The following SH2D1B variants were observed in gnomAD, a reference collection of about 807,000 sequenced individuals.
The protein encoded by SH2D1B is SH2 domain-containing protein 1B.
In SH2D1B, 11 loss-of-function variants were observed where a neutral mutation model predicts 16.3. The observed-to-expected ratio is 0.67, with a 90% confidence interval of 0.42 to 1.11. SH2D1B has a LOEUF of 1.11. Among genes scored for constraint, SH2D1B ranks in the 50% most tolerant of loss-of-function variants. SH2D1B has a pLI of 0.00. For synonymous variants in SH2D1B, 55 were observed against 56.1 expected (o/e 0.98, Z 0.09); for missense variants, 123 against 153.1 (o/e 0.80, Z 1.04).
intron 1 of SH2D1B, among the ~76,000 whole-genome samples, chr1:162,408,933 C>A (rs1263556170): frequency 6.6e-6 from 1 of 151,914 alleles, no homozygotes; most frequent in Non-Finnish European, 1.5e-5. Context: ...CATAGCGAGA[C>A]CCCATGTCTA....
chr1:162,398,747 C>T lies in SH2D1B; in HGVS notation c.363+176G>A, dbSNP rs565675274. On this transcript the variant is annotated intron_variant, in intron 3 of 3. Transcript: ENST00000367929. ...AACGCAGCAAGCTCTCTGTCTTGGC[C>T]CTCAGGGACTAAAAGACAGCACTTC... is the stretch of plus-strand genomic sequence containing the variant. Among the ~76,000 whole-genome samples, 10 of 152,154 alleles carry T rather than the reference C, an allele frequency of 6.6e-5. No homozygotes were observed. In the South Asian group the frequency reaches 2.1e-3, roughly 32 times the overall value.
In SH2D1B at chr1:162,399,016, A is replaced by G. The variant is rs982408010; in HGVS notation, c.270T>C (p.Asn90=). The G allele has an allele frequency of 3.1e-6, 5 of 1,614,030 alleles. No individual in the cohort carries two copies. Among genetic ancestry groups the G allele is most frequent in the Non-Finnish European group, 4.2e-6 (5 of 1,179,974 alleles). The change falls in exon 3 of 4, where the codon AAT becomes AAC. Residue 90 remains asparagine (N), a synonymous_variant. Transcript: ENST00000367929. ...TTAAAAGGTGAACCACCATCCCCTG[A>G]TTTGGTTTTTCAAATTTGGAGATCA... is the stretch of plus-strand genomic sequence containing the variant. ...KELISKFEKP[N]QGMVVHLLKP...
chr1:162,399,915 G>A (rs1206420210), intron 2 of SH2D1B, among the ~76,000 whole-genome samples: 2 of 151,856 alleles, frequency 1.3e-5, no homozygotes, highest in Admixed American at 6.6e-5. Flanking sequence ...CTCTAATTTC[G>A]ATCCTCTCCA....
At chr1:162,406,498 C>T (rs557874777) in intron 1 of SH2D1B, among the ~76,000 whole-genome samples, 18 of 152,162 alleles carry the variant, frequency 1.2e-4, no homozygotes, top group Admixed American at 3.9e-4. Context: ...TTTATAGATG[C>T]GCAGAGAAGT....
rs149329772 is a variant in SH2D1B, at chr1:162,403,119, C to A, written c.135-317G>T. On this transcript the variant is annotated intron_variant, in intron 1 of 3. Coordinates refer to ENST00000367929, the MANE Select transcript of SH2D1B (RefSeq NM_053282.5). ...GACAAAGGATATAGAGAAAGGAAAACCCTTGTACAATGCTGATGGGAATGT... is the reference window on the plus strand; with the variant it reads ...GACAAAGGATATAGAGAAAGGAAAAACCTTGTACAATGCTGATGGGAATGT... Among the ~76,000 whole-genome samples, 1,135 of 152,030 alleles carry A rather than the reference C, an allele frequency of 7.5e-3. 17 individuals are homozygous for A. The highest frequency in any genetic ancestry group is 0.026 in the African/African-American group (1,066 of 41,456).
chr1:162,402,913 C>A, intron 1 of SH2D1B, 111 bp from the exon 2 acceptor site: 1 of 674,964 alleles, frequency 1.5e-6, no homozygotes, highest in East Asian at 3.4e-5. Flanking sequence ...TAAAAAAACT[C>A]TTTTTTTTTT....
At chr1:162,399,497 A>T (rs911132741) in intron 2 of SH2D1B, among the ~76,000 whole-genome samples, 1 of 152,196 alleles carries the variant, frequency 6.6e-6, no homozygotes. Flanking sequence ...ATTAAAAAAA[A>T]TTCCAACTGT....
chr1:162,412,069 A>C lies in SH2D1B; in HGVS notation c.-53T>G. On this transcript the variant is annotated 5_prime_UTR_variant, in exon 1 of 4. Coordinates refer to ENST00000367929, the MANE Select transcript of SH2D1B (RefSeq NM_053282.5). ...CCTGTTGGCCTGAAATTCACCCCCA[A>C]GTCAAGGGACAGCTCTGAGGAGAGA... 1 of 1,610,986 alleles carries C rather than the reference A, an allele frequency of 6.2e-7. No homozygotes were observed. The highest frequency in any genetic ancestry group is 1.3e-5 in the African/African-American group (1 of 74,970).
intron 1 of SH2D1B, among the ~76,000 whole-genome samples, chr1:162,406,061 G>A (rs939648377): frequency 6.6e-6 from 1 of 152,220 alleles, no homozygotes; most frequent in African/African-American, 2.4e-5. Flanking sequence ...ATGCCATGAT[G>A]CAAGTGGGAA....
chr1:162,410,513 T>C (rs953997081), intron 1 of SH2D1B, among the ~76,000 whole-genome samples: 2 of 152,210 alleles, frequency 1.3e-5, no homozygotes, highest in Non-Finnish European at 2.9e-5. Context: ...GGTTCAGTGG[T>C]CCCTACTTTA....
At chr1:162,403,511 AATATATATAT>A (rs201259868) in intron 1 of SH2D1B, among the ~76,000 whole-genome samples, 774 of 41,898 alleles carry the variant, frequency 0.018, 26 homozygotes, top group Admixed American at 0.076. Context: ...AAAAAAAAAA[AATATATATAT>A]ATATATATAT....
At chr1:162,404,233 G>A (rs562118469) in intron 1 of SH2D1B, among the ~76,000 whole-genome samples, 133 of 152,220 alleles carry the variant, frequency 8.7e-4, no homozygotes, top group Non-Finnish European at 1.4e-3. Context: ...GTACTCAGGC[G>A]GCTGAGACAG....
At position 162,396,982 on chromosome 1, in the gene SH2D1B, A is replaced by G. The variant is rs1166109298; in HGVS notation, c.*298T>C. The G allele has an allele frequency of 5.4e-6, 2 of 367,798 alleles. No individual in the cohort carries two copies. Among genetic ancestry groups the G allele is most frequent in the Admixed American group, 3.9e-5 (1 of 25,336 alleles). 22.8% of individuals were successfully genotyped at this position (367,798 alleles called of 1,614,324 possible). A position where few individuals can be genotyped will look rare whatever the true frequency, so the allele number is the denominator to read the frequency against. ...CTGCATGGTCCAAAGGAGGGTGTCA[A>G]CCATGATGTAGGGTGGTACCTTTAA... is the stretch of plus-strand genomic sequence containing the variant. On this transcript the variant is annotated 3_prime_UTR_variant, in exon 4 of 4. Coordinates refer to ENST00000367929, the MANE Select transcript of SH2D1B (RefSeq NM_053282.5).
chr1:162,400,553 C>A (rs1317861906), intron 2 of SH2D1B, among the ~76,000 whole-genome samples: 3 of 150,254 alleles, frequency 2.0e-5, no homozygotes, highest in South Asian at 2.1e-4. Flanking sequence ...ATCTGCCTGC[C>A]TCAGCCTCCC....
At chr1:162,402,669 A>G in intron 2 of SH2D1B, 70 bp downstream of exon 2, 1 of 1,311,040 alleles carries the variant, frequency 7.6e-7, no homozygotes, top group Admixed American at 1.7e-5. Context: ...GGCTCAGGTA[A>G]AAGACATGTT....
chr1:162,409,146 C>T (rs2101864465), intron 1 of SH2D1B, among the ~76,000 whole-genome samples: 1 of 151,296 alleles, frequency 6.6e-6, no homozygotes, highest in East Asian at 1.9e-4. Flanking sequence ...AAGAGAATCC[C>T]ATATTGACCA....
intron 1 of SH2D1B, among the ~76,000 whole-genome samples, chr1:162,409,648 G>A (rs1381391997): frequency 1.3e-5 from 2 of 152,048 alleles, no homozygotes; most frequent in East Asian, 1.9e-4. Context: ...GCGCGATCTC[G>A]GCTCACTGCA....
At chr1:162,397,385 A>C (rs1648404351) in intron 3 of SH2D1B, 70 bp from the exon 4 acceptor site, 4 of 1,557,952 alleles carry the variant, frequency 2.6e-6, no homozygotes, top group Non-Finnish European at 3.5e-6. Flanking sequence ...AAACAACCCC[A>C]CTCAAAGGAA....
chr1:162,395,816 T>C lies in SH2D1B; in HGVS notation c.*1464A>G, dbSNP rs577306992. 3 of 152,288 alleles carry C rather than the reference T, an allele frequency of 2.0e-5. No individual in the cohort carries two copies. Among genetic ancestry groups the C allele is most frequent in the South Asian group, 4.1e-4 (2 of 4,822 alleles). 9.4% of individuals were successfully genotyped at this position (152,288 alleles called of 1,614,324 possible). On this transcript the variant is annotated 3_prime_UTR_variant, in exon 4 of 4. Transcript: ENST00000367929. ...TCAGTTGGGAAAATTTATGACTCCA[T>C]GAAAGGGCAAAAAAGATGACCCAAG...
Sources: allele counts gnomAD v4.1 joint callset (sites outside exome capture counted in the v4.1 genomes callset), GRCh38; gene constraint gnomAD v4.1.1; transcripts MANE v1.5; gene names NCBI Gene and HGNC (gene_info 2026-07-23, HGNC 2026-07-21).